Variants in NTM observed in about 807,000 individuals in gnomAD.
The protein encoded by NTM is IgLON family member 2.
Under a neutral mutation model 42.1 loss-of-function variants are expected in NTM, and 13 were observed. The ratio of observed to expected loss-of-function variants is 0.31; its 90% CI spans 0.20 to 0.49. NTM has a LOEUF of 0.49. Ranked by LOEUF, NTM falls within the 20% of genes least tolerant of loss-of-function variation. NTM has a pLI of 0.99. For synonymous variants in NTM, 187 were observed against 179.2 expected (o/e 1.04, Z -0.35); for missense variants, 373 against 452.8 (o/e 0.82, Z 1.60).
At chr11:131,509,705 C>T (rs950398072) in intron 1 of NTM, among the ~76,000 whole-genome samples, 3 of 152,204 alleles carry the variant, frequency 2.0e-5, no homozygotes, top group Non-Finnish European at 4.4e-5. Context: ...AGTTTCACCG[C>T]AGTGTCTTAG....
At chr11:132,093,677 T>A (rs2060626343) in intron 2 of NTM, among the ~76,000 whole-genome samples, 1 of 152,206 alleles carries the variant, frequency 6.6e-6, no homozygotes. Context: ...TGCCTTTCTT[T>A]GTAGAAGGCA....
At chr11:131,706,311 C>T (rs1199682691) in intron 1 of NTM, among the ~76,000 whole-genome samples, 1 of 151,796 alleles carries the variant, frequency 6.6e-6, no homozygotes, top group African/African-American at 2.4e-5. Flanking sequence ...TGGATGTACC[C>T]AGTATTGGAG....
intron 1 of NTM, among the ~76,000 whole-genome samples, chr11:131,656,784 T>A (rs2067241730): frequency 6.6e-6 from 1 of 152,180 alleles, no homozygotes; most frequent in Non-Finnish European, 1.5e-5. Context: ...AGAGGGTGTT[T>A]GAGACAGAGC....
At chr11:132,029,813 G>T (rs1176648712) in intron 2 of NTM, among the ~76,000 whole-genome samples, 1 of 152,146 alleles carries the variant, frequency 6.6e-6, no homozygotes, top group African/African-American at 2.4e-5. Context: ...GAGACGAGGA[G>T]TGGGTATAAA....
intron 2 of NTM, among the ~76,000 whole-genome samples, chr11:132,074,525 T>A (rs528042761): frequency 2.0e-5 from 3 of 148,488 alleles, no homozygotes; most frequent in African/African-American, 7.6e-5. Context: ...TAGCTGCTTG[T>A]TGATTTAATA....
intron 4 of NTM, chr11:132,284,770 C>G (rs2094157074): frequency 6.6e-6 from 1 of 152,592 alleles, no homozygotes; most frequent in African/African-American, 2.4e-5. Context: ...CGACAGTGGC[C>G]TTGGGGAGAA....
At chr11:131,638,517 G>A (rs1175260739) in intron 1 of NTM, among the ~76,000 whole-genome samples, 2 of 131,602 alleles carry the variant, frequency 1.5e-5, no homozygotes, top group African/African-American at 5.8e-5. Context: ...GGTGAGCTGA[G>A]ATTGCACCAT....
At chr11:132,158,303 C>G (rs2073622517) in intron 3 of NTM, among the ~76,000 whole-genome samples, 1 of 152,216 alleles carries the variant, frequency 6.6e-6, no homozygotes. Flanking sequence ...TCTGCTGGTG[C>G]CCATGCCAGG....
At chr11:132,100,315 G>T (rs1418185116) in intron 2 of NTM, among the ~76,000 whole-genome samples, 2 of 152,158 alleles carry the variant, frequency 1.3e-5, no homozygotes, top group African/African-American at 4.8e-5. Context: ...GTATGCACTG[G>T]ATGTTGTTTT....
At chr11:131,821,873 T>C (rs1001725610) in intron 1 of NTM, among the ~76,000 whole-genome samples, 3 of 152,204 alleles carry the variant, frequency 2.0e-5, no homozygotes, top group African/African-American at 7.2e-5. Context: ...TTAGGTCTAC[T>C]AGTTCTTACC....
intron 1 of NTM, among the ~76,000 whole-genome samples, chr11:131,595,193 C>A (rs1376589526): frequency 6.6e-6 from 1 of 152,148 alleles, no homozygotes; most frequent in Non-Finnish European, 1.5e-5. Context: ...CTGTCTAGGG[C>A]TCATCCAGCC....
intron 1 of NTM, among the ~76,000 whole-genome samples, chr11:131,508,907 G>GA (rs1219666632): frequency 1.6e-5 from 2 of 126,728 alleles, no homozygotes; most frequent in African/African-American, 5.8e-5. Context: ...AGGGGGGAGG[G>GA]ATAGCACTGG....
chr11:131,737,334 G>A (rs140968920), intron 1 of NTM, among the ~76,000 whole-genome samples: 219 of 152,298 alleles, frequency 1.4e-3, no homozygotes, highest in African/African-American at 4.8e-3. Context: ...TCACCTCTCT[G>A]TCTTAAAAGA....
chr11:131,789,597 A>AGAG lies in NTM; in HGVS notation c.83-121965_83-121964insGGA, dbSNP rs2090375511. Among the ~76,000 whole-genome samples, 2 of 81,808 alleles carry AGAG rather than the reference A, an allele frequency of 2.4e-5. 1 individual carries two copies. The highest frequency in any genetic ancestry group is 1.1e-4 in the African/African-American group (2 of 18,010). The allele number at this position is 81,808 out of a possible 152,430, so 53.7% of individuals were successfully genotyped here. A position where few individuals can be genotyped will look rare whatever the true frequency, so the allele number is the denominator to read the frequency against. On this transcript the variant is annotated intron_variant, in intron 1 of 8. Transcript: ENST00000683400. ...AAGAAGAAGAAGAAGAAGAAGAAGA[A>AGAG]GAAGAAGAAGAAGAAGAAGAAGAAG... is the stretch of plus-strand genomic sequence containing the variant.
chr11:132,261,397 G>C (rs896417229), intron 4 of NTM, among the ~76,000 whole-genome samples: 16 of 152,282 alleles, frequency 1.1e-4, no homozygotes, highest in Admixed American at 7.8e-4. Context: ...GTGCACCTGG[G>C]GGGCACAGAC....
intron 1 of NTM, among the ~76,000 whole-genome samples, chr11:131,606,734 G>A (rs574467395): frequency 6.6e-6 from 1 of 152,242 alleles, no homozygotes; most frequent in Non-Finnish European, 1.5e-5. Flanking sequence ...AGTACATTTT[G>A]TTTCTTTGTA....
chr11:131,578,699 C>T (rs1004889145), intron 1 of NTM, among the ~76,000 whole-genome samples: 8 of 152,158 alleles, frequency 5.3e-5, no homozygotes, highest in Non-Finnish European at 1.2e-4. Flanking sequence ...TTCTCTGTGT[C>T]TCAATATCTG....
intron 1 of NTM, among the ~76,000 whole-genome samples, chr11:131,620,691 GCT>G (rs2062434656): frequency 6.6e-6 from 1 of 152,182 alleles, no homozygotes; most frequent in Non-Finnish European, 1.5e-5. Flanking sequence ...TCAAGTCTAT[GCT>G]CCCACGCTAT....
intron 1 of NTM, among the ~76,000 whole-genome samples, chr11:131,864,360 TG>T (rs2046931357): frequency 6.6e-6 from 1 of 152,216 alleles, no homozygotes; most frequent in African/African-American, 2.4e-5. Flanking sequence ...CTCCTGCTGC[TG>T]GAGAGCCTAA....
Sources: gnomAD v4.1 joint callset for allele counts (sites outside exome capture counted in the v4.1 genomes callset) on GRCh38, gnomAD v4.1.1 for gene constraint, MANE v1.5 for transcripts, NCBI Gene and HGNC (gene_info 2026-07-23, HGNC 2026-07-21) for gene names.